SLC26A11: variants seen among roughly 807,000 people sequenced by gnomAD.
SLC26A11 encodes the protein solute carrier family 26 member 11.
A neutral mutation model predicts 62.2 loss-of-function variants in SLC26A11; 58 were observed. That is an observed-to-expected ratio of 0.93 (90% CI 0.76 to 1.16). The LOEUF (loss-of-function observed/expected upper bound fraction) is 1.16. SLC26A11 is among the 50% of genes most tolerant of loss of function. SLC26A11 has a pLI of 0.00. For synonymous variants in SLC26A11, 411 were observed against 368.9 expected (o/e 1.11, Z -1.31); for missense variants, 790 against 794.3 (o/e 0.99, Z 0.06).
rs139242541 is a variant in SLC26A11 at position 80,249,264 on chromosome 17, G to A, written c.1633G>A (p.Ala545Thr). The change falls in exon 16 of 18, where the codon GCC (alanine) becomes ACC (threonine). Residue 545 changes from alanine to threonine, a missense_variant. By Grantham distance (58) the Ala-to-Thr change is moderately conservative. Transcript: ENST00000361193. Reference sequence around the variant, plus strand: ...CCAGGACTTCCAGAAGCAGGGCGTCGCCCTGGCCTTTGTGGGCCTGCAGGT... The same window carrying A: ...CCAGGACTTCCAGAAGCAGGGCGTCACCCTGGCCTTTGTGGGCCTGCAGGT... ...LLQDFQKQGV[A>T]LAFVGLQVPV... The A allele has an allele frequency of 9.6e-5, 154 of 1,610,726 alleles. No individual in the cohort carries two copies. Among genetic ancestry groups the A allele is most frequent in the Middle Eastern group, 1.9e-4 (1 of 5,270 alleles).
chr17:80,246,060 T>C lies in SLC26A11; in HGVS notation c.1098-94T>C. ...CTGCTTCCCAAGCCGTGCTGGGAGCTGACGTCCCCTCGGAAGATCAGCCAC... is the reference window on the plus strand; with the variant it reads ...CTGCTTCCCAAGCCGTGCTGGGAGCCGACGTCCCCTCGGAAGATCAGCCAC... On this transcript the variant is annotated intron_variant, in intron 11 of 17. Coordinates refer to ENST00000361193, the MANE Select transcript of SLC26A11 (RefSeq NM_001166347.2). This position sits in a 1 kb window ranked among gnomAD's most constrained non-coding sequence, Gnocchi z 4.4. 1 of 1,463,054 alleles carries C rather than the reference T, an allele frequency of 6.8e-7. No individual in the cohort carries two copies. Among genetic ancestry groups the C allele is most frequent in the Non-Finnish European group, 9.6e-7 (1 of 1,043,856 alleles). 90.6% of individuals were successfully genotyped at this position (1,463,054 alleles called of 1,614,324 possible).
At chr17:80,227,983 C>T (rs1470150785) in intron 7 of SLC26A11, 23 bp downstream of exon 7, 8 of 1,594,266 alleles carry the variant, frequency 5.0e-6, no homozygotes, top group Middle Eastern at 1.7e-4. Context: ...TGGCTGACAT[C>T]TTATGCAACC....
In SLC26A11 at chr17:80,221,663, C is replaced by T. The variant is rs776410925; in HGVS notation, c.103C>T (p.Pro35Ser). The stretch of plus-strand genomic sequence containing the variant: ...CCCTGCGGCCCTGCAGAGGAGGCTG[C>T]CCATCCTGGCGTGGCTGCCCAGCTA... Reference protein sequence around the residue: ...CSPAALQRRLPILAWLPSYSL... With the variant: ...CSPAALQRRLSILAWLPSYSL... The change falls in exon 3 of 18, where the codon CCC becomes TCC. Residue 35 changes from proline (P) to serine (S), a missense_variant. Transcript: ENST00000361193. 4 of 1,612,900 alleles carry T rather than the reference C, an allele frequency of 2.5e-6. No individual in the cohort carries two copies. The highest frequency in any genetic ancestry group is 1.7e-5 in the Admixed American group (1 of 60,006).
chr17:80,224,299 GT>G lies in SLC26A11; in HGVS notation c.513+963del, dbSNP rs1567943878. On this transcript the variant is annotated intron_variant, in intron 5 of 17. Transcript: ENST00000361193. The stretch of plus-strand genomic sequence containing the variant: ...TGAGTGCGTGTGTGAGTGAGTGTGC[GT>G]GTGTGTGTGAGAGAGTGTGAGTGTG... 4.6e-5 allele frequency among the ~76,000 whole-genome samples: 6 copies of G among 130,294 alleles called. No individual in the cohort carries two copies. In the South Asian group the frequency reaches 6.6e-4, roughly 14 times the overall value. 85.5% of individuals were successfully genotyped at this position (130,294 alleles called of 152,430 possible).
Position 80,248,693 on chromosome 17 carries a change from A to G in SLC26A11, c.1522+19A>G, listed in dbSNP as rs757503975. Reference sequence around the variant, plus strand: ...CTGGAAGGTGCATGGGCGGGGGTCAAGGTGGTCTGAGGTCACTCCCCTGTC... The same window carrying G: ...CTGGAAGGTGCATGGGCGGGGGTCAGGGTGGTCTGAGGTCACTCCCCTGTC... On this transcript the variant is annotated intron_variant, in intron 15 of 17. Transcript: ENST00000361193. 6.4e-7 allele frequency: 1 copy of G among 1,552,144 alleles called. No homozygotes were observed. The highest frequency in any genetic ancestry group is 8.7e-7 in the Non-Finnish European group (1 of 1,147,092).
At chr17:80,237,165 C>G (rs2042718985) in intron 8 of SLC26A11, 62 bp downstream of exon 8, 2 of 1,559,716 alleles carry the variant, frequency 1.3e-6, no homozygotes, top group East Asian at 2.3e-5. Flanking sequence ...GGCCTGGCTC[C>G]TACCCTGATG....
rs751381763 is a variant in SLC26A11, at chr17:80,248,167, G to C, written c.1332G>C (p.Leu444=). 3 of 1,607,220 alleles carry C rather than the reference G, an allele frequency of 1.9e-6. No individual in the cohort carries two copies. Among genetic ancestry groups the C allele is most frequent in the Non-Finnish European group, 1.7e-6 (2 of 1,179,860 alleles). Residue 444 remains leucine (L), a synonymous_variant, in exon 14 of 18, where the codon CTG becomes CTC. Coordinates refer to ENST00000361193, the MANE Select transcript of SLC26A11 (RefSeq NM_001166347.2). The part of the protein sequence containing the change: ...DLLPLCVTFL[L]CFWEVQYGIL... Reference sequence around the variant, plus strand: ...TGCCCCTGTGCGTGACCTTCCTGCTGTGCTTCTGGGAGGTGCAGTACGGCA... The same window carrying C: ...TGCCCCTGTGCGTGACCTTCCTGCTCTGCTTCTGGGAGGTGCAGTACGGCA...
chr17:80,241,885 CT>C, intron 10 of SLC26A11, 64 bp downstream of exon 10: 1 of 1,550,504 alleles, frequency 6.4e-7, no homozygotes, highest in Non-Finnish European at 8.9e-7. Context: ...AGGCCTGCCC[CT>C]CTGTGTCTCC....
rs1023753803 is a variant in SLC26A11 at position 80,228,277 on chromosome 17, C to T, written c.736+317C>T. Among the ~76,000 whole-genome samples, 7 of 152,152 alleles carry T rather than the reference C, an allele frequency of 4.6e-5. No homozygotes were observed. Among genetic ancestry groups the T allele is most frequent in the Non-Finnish European group, 7.3e-5 (5 of 68,034 alleles). On this transcript the variant is annotated intron_variant, in intron 7 of 17. Coordinates refer to ENST00000361193, the MANE Select transcript of SLC26A11 (RefSeq NM_001166347.2). The surrounding 1 kb of genome is among the most constrained non-coding windows in gnomAD (Gnocchi z 4.1). Reference sequence around the variant, plus strand: ...CCTCCTGAGTAGCTGGGATTACAGGCGCATGCCACCACGCTCGACTGATTT... The same window carrying T: ...CCTCCTGAGTAGCTGGGATTACAGGTGCATGCCACCACGCTCGACTGATTT...
At chr17:80,239,926 G>A (rs1483638918) in intron 9 of SLC26A11, among the ~76,000 whole-genome samples, 2 of 152,248 alleles carry the variant, frequency 1.3e-5, no homozygotes. Context: ...TTGGAGCGTG[G>A]CTGTGCCACT....
chr17:80,249,830 GGGA>G (rs1228245988), intron 16 of SLC26A11, among the ~76,000 whole-genome samples: 2 of 151,490 alleles, frequency 1.3e-5, no homozygotes, highest in African/African-American at 4.9e-5. Flanking sequence ...GCTTGAACCT[GGGA>G]GGTGGAGGTT....
rs1278521222 is a variant in SLC26A11 at position 80,223,396 on chromosome 17, T to C, written c.513+59T>C. The C allele has an allele frequency of 6.5e-7, 1 of 1,532,744 alleles. No individual in the cohort carries two copies. Among genetic ancestry groups the C allele is most frequent in the Non-Finnish European group, 9.0e-7 (1 of 1,112,260 alleles). 94.9% of individuals were successfully genotyped at this position (1,532,744 alleles called of 1,614,324 possible). A position where few individuals can be genotyped will look rare whatever the true frequency, so the allele number is the denominator to read the frequency against. The stretch of plus-strand genomic sequence containing the variant: ...TGGCCACTGCTCGTTGGCACAGGGA[T>C]GGCGGGAGCAGGACTGAGGCCAGTC... On this transcript the variant is annotated intron_variant, in intron 5 of 17. Coordinates refer to ENST00000361193, the MANE Select transcript of SLC26A11 (RefSeq NM_001166347.2). This position sits in a 1 kb window ranked among gnomAD's most constrained non-coding sequence, Gnocchi z 4.6.
intron 6 of SLC26A11, 31 bp from the exon 7 acceptor site, chr17:80,227,787 G>A (rs768299514): frequency 1.9e-6 from 3 of 1,598,768 alleles, no homozygotes; most frequent in Non-Finnish European, 2.5e-6. Flanking sequence ...GGGCCGAGCT[G>A]GGTGGTGACC....
At chr17:80,244,828 T>C (rs1489864480) in intron 10 of SLC26A11, among the ~76,000 whole-genome samples, 3 of 152,034 alleles carry the variant, frequency 2.0e-5, no homozygotes, top group South Asian at 2.1e-4. Flanking sequence ...ATACAGAAAT[T>C]AGCCAGGCGT....
At position 80,248,264 on chromosome 17, in the gene SLC26A11, C is replaced by T. The variant is rs968383067; in HGVS notation, c.1422+7C>T. The T allele has an allele frequency of 1.7e-5, 28 of 1,605,602 alleles. No individual in the cohort carries two copies. The highest frequency in any genetic ancestry group is 2.0e-5 in the Non-Finnish European group (24 of 1,177,788). ...AGCCAGGCCTGAGACCAAGGTACCCCTCCGTGGCCTCTGAGTGGGGAGTGT... is the reference window on the plus strand; with the variant it reads ...AGCCAGGCCTGAGACCAAGGTACCCTTCCGTGGCCTCTGAGTGGGGAGTGT... On this transcript the variant is annotated splice_region_variant and intron_variant, in intron 14 of 17. Transcript: ENST00000361193.
intron 9 of SLC26A11, among the ~76,000 whole-genome samples, chr17:80,238,765 C>G (rs896653782): frequency 6.6e-6 from 1 of 151,648 alleles, no homozygotes; most frequent in African/African-American, 2.4e-5. Flanking sequence ...GGGTAAAGTT[C>G]CTTCTCCAAA....
chr17:80,237,454 C>T (rs1002666102), intron 8 of SLC26A11, 68 bp from the exon 9 acceptor site: 1 of 1,466,784 alleles, frequency 6.8e-7, no homozygotes, highest in Admixed American at 2.1e-5. Context: ...GTCCTTGCTG[C>T]TTTCATGGGT....
intron 5 of SLC26A11, among the ~76,000 whole-genome samples, chr17:80,225,415 C>G (rs2042381955): frequency 1.3e-5 from 2 of 152,320 alleles, no homozygotes; most frequent in Non-Finnish European, 2.9e-5. Context: ...GGGAGACATT[C>G]TCAAGCCAAT....
rs367760816 is a variant in SLC26A11, at chr17:80,237,003, T to C, written c.812T>C (p.Ile271Thr). ...GAGGTGACTGGATACCAGCCTTTCA[T>C]CCTAACAGGGGAGACAGCTGAGGGG... is the stretch of plus-strand genomic sequence containing the variant. ...SFEVTGYQPFILTGETAEGLP... is the reference protein window; with the variant it reads ...SFEVTGYQPFTLTGETAEGLP... Residue 271 changes from isoleucine (I) to threonine (T), a missense_variant, in exon 8 of 18, where the codon ATC becomes ACC. Coordinates refer to ENST00000361193, the MANE Select transcript of SLC26A11 (RefSeq NM_001166347.2). The C allele has an allele frequency of 6.2e-7, 1 of 1,614,008 alleles. No homozygotes were observed.
Sources: gnomAD v4.1 joint callset for allele counts (sites outside exome capture counted in the v4.1 genomes callset) on GRCh38, gnomAD v4.1.1 for gene constraint, Gnocchi (gnomAD v3.1) non-coding constraint, MANE v1.5 for transcripts, NCBI Gene and HGNC (gene_info 2026-07-23, HGNC 2026-07-21) for gene names.